Variants in SND1 observed in about 807,000 individuals in gnomAD.
SND1 encodes staphylococcal nuclease domain-containing protein 1.
SND1 carries 38 observed loss-of-function variants against 121.7 expected under a neutral mutation model. That is an observed-to-expected ratio of 0.31 (90% CI 0.24 to 0.41). The LOEUF is 0.41. SND1 is among the 10% of genes least tolerant of loss of function. The probability of loss-of-function intolerance (pLI) is 1.00; values close to 1 mark genes in which losing one functional copy is unlikely to be tolerated. For synonymous variants in SND1, 401 were observed against 447.4 expected, an observed-to-expected ratio of 0.90 and a Z score of 1.31; for missense variants, 868 against 1,184.6, an observed-to-expected ratio of 0.73 and a Z score of 3.92.
chr7:127,942,360 G>A (rs769194602), intron 15 of SND1, among the ~76,000 whole-genome samples: 1 of 152,144 alleles, frequency 6.6e-6, no homozygotes, highest in Non-Finnish European at 1.5e-5. Flanking sequence ...GATTTGCCAG[G>A]AGCAAAGGTC....
intron 15 of SND1, among the ~76,000 whole-genome samples, chr7:127,965,961 A>T (rs1466768769): frequency 1.2e-5 from 1 of 80,286 alleles, no homozygotes; most frequent in African/African-American, 5.2e-5. Flanking sequence ...TCAGAGATTC[A>T]ACTTCTTCCT....
intron 18 of SND1, among the ~76,000 whole-genome samples, chr7:128,083,558 C>A (rs1793641209): frequency 1.3e-5 from 2 of 152,228 alleles, no homozygotes; most frequent in South Asian, 2.1e-4. Context: ...AAGCACCCTG[C>A]ATGCATTGGG....
intron 6 of SND1, 47 bp downstream of exon 6, chr7:127,702,573 G>T: frequency 6.9e-7 from 1 of 1,441,044 alleles, no homozygotes. Flanking sequence ...GTGTGTGGAT[G>T]TTCAGTGATG....
chr7:127,781,523 A>G (rs1797721955), intron 10 of SND1, among the ~76,000 whole-genome samples: 1 of 152,216 alleles, frequency 6.6e-6, no homozygotes, highest in African/African-American at 2.4e-5. Flanking sequence ...TGGGGCAGAG[A>G]CAATAGCAGT....
intron 15 of SND1, among the ~76,000 whole-genome samples, chr7:127,944,196 T>A (rs926459424): frequency 1.3e-5 from 2 of 152,262 alleles, no homozygotes; most frequent in Admixed American, 6.5e-5. Flanking sequence ...AAGTCCATTG[T>A]TGCTGCTCTC....
chr7:127,714,778 G>C (rs1248502411), intron 9 of SND1, among the ~76,000 whole-genome samples: 1 of 152,178 alleles, frequency 6.6e-6, no homozygotes, highest in Non-Finnish European at 1.5e-5. Flanking sequence ...ATTTCATTTA[G>C]CATAGTGTCC....
chr7:127,885,794 G>A (rs1470241882), intron 12 of SND1, among the ~76,000 whole-genome samples: 1 of 152,040 alleles, frequency 6.6e-6, no homozygotes, highest in Admixed American at 6.6e-5. Flanking sequence ...TGTATTTACT[G>A]TAAAATGTCA....
intron 1 of SND1, among the ~76,000 whole-genome samples, chr7:127,658,187 C>T (rs1156291775): frequency 1.3e-5 from 2 of 152,054 alleles, no homozygotes; most frequent in African/African-American, 4.8e-5. Flanking sequence ...TGGTGGCGCG[C>T]GCCTGTAGTC....
At chr7:127,861,975 T>C (rs532789291) in intron 12 of SND1, among the ~76,000 whole-genome samples, 1 of 152,344 alleles carries the variant, frequency 6.6e-6, no homozygotes, top group East Asian at 1.9e-4. Context: ...TTGACATTGA[T>C]AGACTATGTC....
intron 12 of SND1, 93 bp from the exon 13 acceptor site, chr7:127,887,809 C>A: frequency 2.7e-6 from 2 of 745,872 alleles, no homozygotes; most frequent in Middle Eastern, 5.4e-4. Flanking sequence ...TGCCAGAATG[C>A]GTTAAGACCT....
At chr7:127,707,764 G>GGTGTGTGTGTGT in intron 9 of SND1, 117 bp downstream of exon 9, 1 of 558,178 alleles carries the variant, frequency 1.8e-6, no homozygotes, top group Non-Finnish European at 3.1e-6. Context: ...CAAGCCAGTA[G>GGTGTGTGTGTGT]GAGTGTGTGT....
chr7:127,786,617 T>G (rs1797816548), intron 10 of SND1, among the ~76,000 whole-genome samples: 1 of 151,236 alleles, frequency 6.6e-6, no homozygotes, highest in Admixed American at 6.6e-5. Flanking sequence ...ATAGTGTTTT[T>G]TTGTTTTGTT....
intron 1 of SND1, among the ~76,000 whole-genome samples, chr7:127,675,866 A>G (rs141639149): frequency 7.7e-4 from 117 of 152,262 alleles, no homozygotes; most frequent in African/African-American, 2.7e-3. Context: ...GTTCTGTCTT[A>G]TTTCTGCATA....
intron 1 of SND1, among the ~76,000 whole-genome samples, chr7:127,684,500 A>T (rs913332403): frequency 6.6e-6 from 1 of 152,226 alleles, no homozygotes; most frequent in African/African-American, 2.4e-5. Flanking sequence ...AGAATTGAAT[A>T]TAAATGAGTC....
intron 12 of SND1, among the ~76,000 whole-genome samples, chr7:127,861,561 G>A (rs1264946624): frequency 6.6e-6 from 1 of 152,054 alleles, no homozygotes; most frequent in Non-Finnish European, 1.5e-5. Context: ...TGCAACCTCC[G>A]ACTCCCAGGT....
chr7:127,821,031 T>C (rs1459589448), intron 11 of SND1, among the ~76,000 whole-genome samples: 1 of 152,252 alleles, frequency 6.6e-6, no homozygotes, highest in Non-Finnish European at 1.5e-5. Context: ...AGTTTATTGT[T>C]GGCCTTGGAT....
At chr7:127,788,166 AC>A (rs1797845606) in intron 10 of SND1, among the ~76,000 whole-genome samples, 1 of 152,212 alleles carries the variant, frequency 6.6e-6, no homozygotes, top group Non-Finnish European at 1.5e-5. Context: ...GATCTAGTCA[AC>A]CCTTTCTCTC....
intron 10 of SND1, among the ~76,000 whole-genome samples, chr7:127,797,841 C>A (rs1169709455): frequency 2.0e-5 from 3 of 152,122 alleles, no homozygotes; most frequent in Admixed American, 1.3e-4. Context: ...GGTTTGGGAG[C>A]CCCTAGAGCC....
At chr7:128,013,995 G>A (rs1221256129) in intron 16 of SND1, among the ~76,000 whole-genome samples, 1 of 152,208 alleles carries the variant, frequency 6.6e-6, no homozygotes, top group Non-Finnish European at 1.5e-5. Context: ...ATATTCACAG[G>A]TCTCTGAGCA....
Sources: allele counts gnomAD v4.1 joint callset (sites outside exome capture counted in the v4.1 genomes callset), GRCh38; gene constraint gnomAD v4.1.1; transcripts MANE v1.5; gene names NCBI Gene and HGNC (gene_info 2026-07-23, HGNC 2026-07-21).